FOXP1: variants seen among roughly 807,000 people sequenced by gnomAD.
FOXP1 encodes forkhead box protein P1.
A neutral mutation model predicts 98.2 loss-of-function variants in FOXP1; 15 were observed. That is an observed-to-expected ratio of 0.15 (90% CI 0.10 to 0.24). The LOEUF is 0.24. Ranked by LOEUF, FOXP1 falls within the 10% of genes least tolerant of loss-of-function variation. FOXP1 has a pLI of 1.00. For synonymous variants in FOXP1, 371 were observed against 314.5 expected (o/e 1.18, Z -1.90); for missense variants, 633 against 848.5 (o/e 0.75, Z 3.15).
At chr3:71,467,728 G>C (rs2088920701) in intron 3 of FOXP1, among the ~76,000 whole-genome samples, 1 of 152,182 alleles carries the variant, frequency 6.6e-6, no homozygotes, top group Non-Finnish European at 1.5e-5. Flanking sequence ...AAGTAAATGA[G>C]GGATGGTGGA....
At chr3:71,137,076 A>G (rs540519560) in intron 6 of FOXP1, among the ~76,000 whole-genome samples, 1 of 152,316 alleles carries the variant, frequency 6.6e-6, no homozygotes, top group African/African-American at 2.4e-5. Context: ...CAGGGATGGA[A>G]AGAGAAGGCA....
chr3:71,575,779 A>G (rs1578247338), intron 2 of FOXP1, among the ~76,000 whole-genome samples: 1 of 152,262 alleles, frequency 6.6e-6, no homozygotes, highest in South Asian at 2.1e-4. Context: ...CTCAAAGAAC[A>G]TATGTTAAAA....
chr3:71,382,448 G>A (rs1187410647), intron 3 of FOXP1, among the ~76,000 whole-genome samples: 2 of 152,142 alleles, frequency 1.3e-5, no homozygotes, highest in African/African-American at 4.8e-5. Context: ...GAAAACACAT[G>A]GCCTAAAACA....
intron 5 of FOXP1, among the ~76,000 whole-genome samples, chr3:71,285,757 C>A (rs943588715): frequency 6.6e-6 from 1 of 152,126 alleles, no homozygotes; most frequent in African/African-American, 2.4e-5. Context: ...AAGGAAGGAA[C>A]TGATGTAGTG....
chr3:71,209,203 AG>A (rs1415282385), intron 5 of FOXP1, among the ~76,000 whole-genome samples: 1 of 152,252 alleles, frequency 6.6e-6, no homozygotes, highest in Non-Finnish European at 1.5e-5. Context: ...CCTGGCTTGC[AG>A]ATAAAAATAA....
chr3:70,972,369 G>T, intron 18 of FOXP1, 186 bp downstream of exon 18: 1 of 936,966 alleles, frequency 1.1e-6, no homozygotes, highest in Non-Finnish European at 1.7e-6. Flanking sequence ...ACAAAGACCA[G>T]CAAGCAGGGC....
chr3:71,286,335 C>G (rs1390452312), intron 5 of FOXP1, among the ~76,000 whole-genome samples: 1 of 148,752 alleles, frequency 6.7e-6, no homozygotes, highest in Non-Finnish European at 1.5e-5. Context: ...CGCCAGCACA[C>G]AGCTCAATTT....
At chr3:70,978,358 C>T (rs550903250) in intron 14 of FOXP1, among the ~76,000 whole-genome samples, 4 of 150,362 alleles carry the variant, frequency 2.7e-5, no homozygotes, top group Admixed American at 2.0e-4. Context: ...AGGCTTTGAT[C>T]GCCCATCAGG....
intron 5 of FOXP1, among the ~76,000 whole-genome samples, chr3:71,232,895 A>AAAAAAAAAAAAAAAC: frequency 6.8e-6 from 1 of 147,704 alleles, no homozygotes; most frequent in Non-Finnish European, 1.5e-5. Flanking sequence ...AAAAAAAAAA[A>AAAAAAAAAAAAAAAC]AGCAAGAAAA....
rs1577581764 is a variant in FOXP1 at position 71,450,446 on chromosome 3, T to G, written c.-168+42980A>C. Among the ~76,000 whole-genome samples, 3 of 152,336 alleles carry G rather than the reference T, an allele frequency of 2.0e-5. No individual in the cohort carries two copies. The South Asian group carries it at 6.2e-4, about 32-fold the overall frequency. On this transcript the variant is annotated intron_variant, in intron 3 of 20. Transcript: ENST00000649528. The stretch of plus-strand genomic sequence containing the variant: ...GCCACTCTCTAATGCCACAGAAATT[T>G]TGATCTCAGCTGTCCGATGCAAATT...
chr3:70,986,448 G>A (rs1013266399), intron 14 of FOXP1, among the ~76,000 whole-genome samples: 3 of 152,144 alleles, frequency 2.0e-5, no homozygotes, highest in Admixed American at 6.5e-5. Context: ...TCATTCTCTC[G>A]CTTGCTGCTA....
intron 5 of FOXP1, among the ~76,000 whole-genome samples, 184 bp downstream of exon 5, chr3:71,299,636 T>A (rs916337391): frequency 6.6e-6 from 1 of 152,192 alleles, no homozygotes; most frequent in Admixed American, 6.5e-5. Flanking sequence ...TGTGAACCTG[T>A]AGACCATTTC....
intron 2 of FOXP1, among the ~76,000 whole-genome samples, chr3:71,514,370 C>G (rs1425602467): frequency 6.6e-6 from 1 of 152,232 alleles, no homozygotes. Flanking sequence ...ACAGAACTGC[C>G]AACCTCATTC....
chr3:71,460,245 GTTTGT>G (rs1168559775), intron 3 of FOXP1, among the ~76,000 whole-genome samples: 1 of 149,268 alleles, frequency 6.7e-6, no homozygotes, highest in African/African-American at 2.5e-5. Context: ...TTGTTTGTTT[GTTTGT>G]TTGTTTTTTG....
At chr3:71,430,486 G>A (rs1295944568) in intron 3 of FOXP1, among the ~76,000 whole-genome samples, 1 of 151,644 alleles carries the variant, frequency 6.6e-6, no homozygotes, top group Non-Finnish European at 1.5e-5. Context: ...TGATATGCAG[G>A]GATCCCAAGT....
chr3:70,996,964 C>T (rs1368794505), intron 13 of FOXP1, among the ~76,000 whole-genome samples: 1 of 152,216 alleles, frequency 6.6e-6, no homozygotes, highest in African/African-American at 2.4e-5. Flanking sequence ...CTGCTCTTTC[C>T]TGTAGTGCTA....
At chr3:71,428,629 C>T (rs777856207) in intron 3 of FOXP1, among the ~76,000 whole-genome samples, 8 of 152,152 alleles carry the variant, frequency 5.3e-5, no homozygotes, top group Non-Finnish European at 8.8e-5. Context: ...TAAAGAGGCC[C>T]CCCTATGAAA....
intron 7 of FOXP1, among the ~76,000 whole-genome samples, chr3:71,081,263 C>T (rs934136714): frequency 9.9e-5 from 15 of 152,168 alleles, no homozygotes; most frequent in African/African-American, 3.4e-4. Flanking sequence ...CTCCCCAGTT[C>T]TTTCCAGCAC....
chr3:71,045,897 G>T (rs193167672), intron 10 of FOXP1, among the ~76,000 whole-genome samples: 1 of 152,288 alleles, frequency 6.6e-6, no homozygotes, highest in East Asian at 1.9e-4. Flanking sequence ...ATCCAAGACA[G>T]CAGTGGCTTT....
Sources: allele counts gnomAD v4.1 joint callset (sites outside exome capture counted in the v4.1 genomes callset), GRCh38; gene constraint gnomAD v4.1.1; transcripts MANE v1.5; gene names NCBI Gene and HGNC (gene_info 2026-07-23, HGNC 2026-07-21).